The following CFAP161 variants were observed in gnomAD, a reference collection of about 807,000 sequenced individuals.
The protein encoded by CFAP161 is cilia and flagella associated protein 161, also known as cilia- and flagella-associated protein 161.
Under a neutral mutation model 29.0 loss-of-function variants are expected in CFAP161, and 25 were observed. The observed-to-expected ratio is 0.86, with a 90% CI of 0.63 to 1.20. The LOEUF (loss-of-function observed/expected upper bound fraction) is 1.20, where lower values mean the gene tolerates loss of function less well. CFAP161 is among the 50% of genes most tolerant of loss of function. CFAP161 has a pLI of 0.00. For missense variants in CFAP161, 367 were observed against 371.9 expected, an observed-to-expected ratio of 0.99 and a Z score of 0.11; for synonymous variants, 116 against 137.4, an observed-to-expected ratio of 0.84 and a Z score of 1.09.
chr15:81,129,647 A>T (rs762641256), upstream of CFAP161, among the ~76,000 whole-genome samples: 3 of 152,228 alleles, frequency 2.0e-5, no homozygotes, highest in South Asian at 6.2e-4. Context: ...GCCAAACCAT[A>T]TCACCTAGGA....
At chr15:81,104,076 C>CA (rs1894333975) in intron 1 of CFAP161, among the ~76,000 whole-genome samples, 1 of 152,162 alleles carries the variant, frequency 6.6e-6, no homozygotes, top group South Asian at 2.1e-4. Context: ...GAGAGGAGAA[C>CA]AAAAACTGCT....
Position 81,134,385 on chromosome 15 carries a change from T to C in CFAP161, c.56T>C (p.Val19Ala), listed in dbSNP as rs1400787955. 2 of 1,587,084 alleles carry C rather than the reference T, an allele frequency of 1.3e-6. No individual in the cohort carries two copies. The highest frequency in any genetic ancestry group is 1.8e-5 in the Admixed American group (1 of 54,444). Residue 19 changes from valine to alanine, a missense_variant, in exon 1 of 7, where the codon GTC (valine) becomes GCC (alanine). Physicochemically the swap from Val to Ala is moderately conservative, Grantham distance 64 (BLOSUM62 0). Transcript: ENST00000286732. ...CGGATAGGCAACTGGAATGAGGATGTCTACCTGGAGGAGGTACGCAGGGTG... is the reference window on the plus strand; with the variant it reads ...CGGATAGGCAACTGGAATGAGGATGCCTACCTGGAGGAGGTACGCAGGGTG... Reference protein sequence around the residue: ...GVRIGNWNEDVYLEEELMKDF... With the variant: ...GVRIGNWNEDAYLEEELMKDF...
intron 1 of CFAP161, among the ~76,000 whole-genome samples, chr15:81,114,115 G>A (rs1473031442): frequency 3.3e-5 from 5 of 152,186 alleles, no homozygotes; most frequent in Non-Finnish European, 7.4e-5. Flanking sequence ...CCCTGGGCAT[G>A]GAGAAAAAAT....
intron 1 of CFAP161, among the ~76,000 whole-genome samples, chr15:81,121,184 A>C (rs1317839967): frequency 6.6e-6 from 1 of 152,246 alleles, no homozygotes; most frequent in African/African-American, 2.4e-5. Flanking sequence ...CACTGATGAC[A>C]TACTTGGGCT....
intron 1 of CFAP161, among the ~76,000 whole-genome samples, chr15:81,099,828 A>G (rs1182518166): frequency 6.6e-6 from 1 of 152,160 alleles, no homozygotes; most frequent in East Asian, 1.9e-4. Flanking sequence ...TGCTTATTTT[A>G]TTTTAAATCT....
chr15:81,133,223 ATGTAT>A (rs1414117291), upstream of CFAP161, among the ~76,000 whole-genome samples: 1 of 25,708 alleles, frequency 3.9e-5, no homozygotes, highest in South Asian at 8.5e-4. Context: ...ATATATATAT[ATGTAT>A]TTTTTTTTAA....
At chr15:81,109,017 C>T (rs1341038831) in intron 1 of CFAP161, among the ~76,000 whole-genome samples, 2 of 151,998 alleles carry the variant, frequency 1.3e-5, no homozygotes, top group Non-Finnish European at 2.9e-5. Flanking sequence ...CACAAAATTG[C>T]CCATGTATGA....
intron 3 of CFAP161, among the ~76,000 whole-genome samples, chr15:81,137,392 C>T (rs1043934671): frequency 1.3e-5 from 2 of 152,024 alleles, no homozygotes; most frequent in South Asian, 2.1e-4. Flanking sequence ...GTCTGGAGTT[C>T]GAGACCAGCC....
At chr15:81,135,628 G>A (rs1397365986) in intron 2 of CFAP161, among the ~76,000 whole-genome samples, 1 of 150,626 alleles carries the variant, frequency 6.6e-6, no homozygotes, top group African/African-American at 2.4e-5. Context: ...TTGGTTTTCT[G>A]TCCCTGCGAT....
intron 5 of CFAP161, among the ~76,000 whole-genome samples, chr15:81,144,090 A>C (rs1894965051): frequency 6.6e-6 from 1 of 152,128 alleles, no homozygotes; most frequent in South Asian, 2.1e-4. Flanking sequence ...TTGTAACACA[A>C]GTTTGGGAGG....
intron 1 of CFAP161, among the ~76,000 whole-genome samples, chr15:81,105,441 G>A (rs7179762): frequency 0.64 from 93,709 of 145,290 alleles, 31,255 homozygotes; most frequent in Non-Finnish European, 0.75. Flanking sequence ...TTTCTGAGAC[G>A]GGGTCTCACT....
intron 1 of CFAP161, among the ~76,000 whole-genome samples, chr15:81,110,109 A>G (rs1467796311): frequency 2.6e-5 from 4 of 152,120 alleles, no homozygotes; most frequent in Admixed American, 6.6e-5. Context: ...GACATTCAGT[A>G]CAGGTTAGTG....
At chr15:81,101,508 C>G (rs1390285844) in intron 1 of CFAP161, among the ~76,000 whole-genome samples, 1 of 104,728 alleles carries the variant, frequency 9.5e-6, no homozygotes, top group South Asian at 3.2e-4. Context: ...GCCTGGGTGA[C>G]AGAGTAAGAC....
chr15:81,138,155 A>T lies in CFAP161; in HGVS notation c.477+20A>T. On this transcript the variant is annotated intron_variant, in intron 4 of 6. Coordinates refer to ENST00000286732, the MANE Select transcript of CFAP161 (RefSeq NM_173528.4). ...AAAATGGTGAGTTATCACTTTGCAT[A>T]TCTACTTTGGATCAGTCATTTCTGT... The T allele has an allele frequency of 2.5e-6, 4 of 1,575,274 alleles. No homozygotes were observed. Among genetic ancestry groups the T allele is most frequent in the Non-Finnish European group, 3.5e-6 (4 of 1,144,698 alleles).
At chr15:81,115,168 ACT>A (rs969592867) in intron 1 of CFAP161, among the ~76,000 whole-genome samples, 11 of 151,518 alleles carry the variant, frequency 7.3e-5, no homozygotes, top group African/African-American at 2.7e-4. Flanking sequence ...AAGCATGAAA[ACT>A]CTTTCTTCAT....
chr15:81,113,399 G>A (rs1894460988), intron 1 of CFAP161, among the ~76,000 whole-genome samples: 1 of 152,108 alleles, frequency 6.6e-6, no homozygotes, highest in African/African-American at 2.4e-5. Flanking sequence ...TTAACTACCT[G>A]GAGTTAGTGT....
chr15:81,140,494 A>G (rs1894888341), intron 4 of CFAP161, among the ~76,000 whole-genome samples: 1 of 151,946 alleles, frequency 6.6e-6, no homozygotes, highest in Non-Finnish European at 1.5e-5. Flanking sequence ...AAATTACTGT[A>G]TATACTACCC....
chr15:81,117,010 G>T (rs1275901503), intron 1 of CFAP161, among the ~76,000 whole-genome samples: 1 of 152,058 alleles, frequency 6.6e-6, no homozygotes, highest in Non-Finnish European at 1.5e-5. Context: ...ACCTTTTGGG[G>T]CTAGGAATCC....
At chr15:81,122,489 T>G (rs1291622485) in intron 1 of CFAP161, among the ~76,000 whole-genome samples, 1 of 124,564 alleles carries the variant, frequency 8.0e-6, no homozygotes, top group Non-Finnish European at 1.8e-5. Flanking sequence ...TTTTCTTTCT[T>G]TCTTTCTTTT....
Sources: allele counts gnomAD v4.1 joint callset (sites outside exome capture counted in the v4.1 genomes callset), GRCh38; gene constraint gnomAD v4.1.1; transcripts MANE v1.5; gene names NCBI Gene and HGNC (gene_info 2026-07-23, HGNC 2026-07-21).